FGF13: variants seen among roughly 807,000 people sequenced by gnomAD.
FGF13 encodes the protein fibroblast growth factor homologous factor 2.
FGF13 carries 2 observed loss-of-function variants against 19.5 expected under a neutral mutation model. That is an observed-to-expected ratio of 0.10 (90% confidence interval 0.04 to 0.32). FGF13 has a LOEUF of 0.32. Ranked by LOEUF, FGF13 falls within the 10% of genes least tolerant of loss-of-function variation. The pLI, the probability that FGF13 is intolerant of heterozygous loss-of-function variation, is 1.00. For missense variants in FGF13, 113 were observed against 192.7 expected, an observed-to-expected ratio of 0.59 and a Z score of 2.45; for synonymous variants, 72 against 76.9, an observed-to-expected ratio of 0.94 and a Z score of 0.33.
rs987516894 is a variant in FGF13 at position 139,047,288 on chromosome X, A to G, written c.-113+156128T>C. On this transcript the variant is annotated intron_variant, in intron 1 of 2. Coordinates refer to the FGF13 transcript ENST00000421460. ...TGTGGATAGTGCATGATGTTTTGAT[A>G]TATGTATACATTGTGGAATGAGTAA... Among the ~76,000 whole-genome samples, 20 of 112,503 alleles carry G rather than the reference A, an allele frequency of 1.8e-4. No homozygotes were observed. In the Admixed American group the frequency reaches 1.8e-3, roughly 10 times the overall value.
intron 1 of FGF13, among the ~76,000 whole-genome samples, chrX:138,900,722 C>G (rs1237532912): frequency 1.8e-5 from 2 of 111,858 alleles, no homozygotes; most frequent in African/African-American, 3.3e-5. Context: ...CCATGTCATG[C>G]AGAAGAAAAC....
rs941625376 is a variant in FGF13 at position 138,710,989 on chromosome X, G to A, written c.15C>T (p.Ile5=). The A allele has an allele frequency of 9.1e-6, 11 of 1,208,890 alleles. No individual in the cohort carries two copies. Among genetic ancestry groups the A allele is most frequent in the Non-Finnish European group, 1.2e-5 (11 of 894,843 alleles). ...TCTTCTGACGGATGAGCGAGCTGGC[G>A]ATAGCCGCCGCCATGGCCACGACGC... MAAA[I]ASSLIRQKRQ... The change falls in exon 1 of 5, where the codon ATC becomes ATT. Residue 5 remains isoleucine, a synonymous_variant. Coordinates refer to ENST00000315930, the MANE Select transcript of FGF13 (RefSeq NM_004114.5).
chrX:138,899,500 T>C (rs1350640512), intron 1 of FGF13, among the ~76,000 whole-genome samples: 2 of 111,108 alleles, frequency 1.8e-5, no homozygotes, highest in African/African-American at 6.6e-5. Flanking sequence ...TCTCCATTTC[T>C]TGGGGAGAAT....
chrX:138,810,908 C>G (rs991219858), intron 3 of FGF13, among the ~76,000 whole-genome samples: 1 of 111,609 alleles, frequency 9.0e-6, no homozygotes, highest in South Asian at 3.8e-4. Flanking sequence ...CCATCTCACA[C>G]CAGTTAGAAT....
At chrX:139,133,798 T>C (rs1240135652) in intron 1 of FGF13, among the ~76,000 whole-genome samples, 1 of 111,701 alleles carries the variant, frequency 9.0e-6, no homozygotes, top group Non-Finnish European at 1.9e-5. Context: ...TACCTTTACA[T>C]ACCCACTTTG....
intron 3 of FGF13, among the ~76,000 whole-genome samples, chrX:138,698,015 TAAC>T (rs1177273819): frequency 9.0e-6 from 1 of 111,172 alleles, no homozygotes; most frequent in Non-Finnish European, 1.9e-5. Context: ...GCACAACAAA[TAAC>T]AACTTTCTTG....
intron 1 of FGF13, among the ~76,000 whole-genome samples, chrX:138,911,662 G>A (rs2091588691): frequency 1.8e-5 from 2 of 111,589 alleles, no homozygotes; most frequent in South Asian, 7.5e-4. Context: ...TTCCCACTTG[G>A]AAGTATTTGC....
chrX:138,635,354 T>C, intron 4 of FGF13, 103 bp downstream of exon 4: 3 of 822,375 alleles, frequency 3.6e-6, no homozygotes, highest in Non-Finnish European at 5.2e-6. Context: ...ATAGCTTGTC[T>C]ATGTAACCAA....
At chrX:139,107,801 C>A (rs759670222) in intron 1 of FGF13, among the ~76,000 whole-genome samples, 33 of 110,041 alleles carry the variant, frequency 3.0e-4, no homozygotes, top group African/African-American at 1.1e-3. Flanking sequence ...GGAGAGGCAG[C>A]AGTGGCGGTA....
chrX:138,768,108 GGGCA>G (rs2090515282), intron 3 of FGF13, among the ~76,000 whole-genome samples: 1 of 112,000 alleles, frequency 8.9e-6, no homozygotes, highest in African/African-American at 3.2e-5. Flanking sequence ...CCCATCCAGG[GGGCA>G]GCATCATGAA....
intron 1 of FGF13, among the ~76,000 whole-genome samples, chrX:139,184,647 C>T (rs752469189): frequency 1.1e-3 from 122 of 111,608 alleles, no homozygotes; most frequent in Non-Finnish European, 1.7e-3. Flanking sequence ...CACACATACA[C>T]ACATACACAC....
chrX:139,141,090 T>TAGATAGAC (rs2083841066), intron 1 of FGF13, among the ~76,000 whole-genome samples: 1 of 94,556 alleles, frequency 1.1e-5, no homozygotes, highest in African/African-American at 4.1e-5. Context: ...GATAGATAGA[T>TAGATAGAC]AGATAAGAGT....
At chrX:138,861,250 G>A (rs951842214) in intron 2 of FGF13, among the ~76,000 whole-genome samples, 4 of 111,760 alleles carry the variant, frequency 3.6e-5, no homozygotes, top group Non-Finnish European at 7.5e-5. Flanking sequence ...TGCTGACCTG[G>A]CCTAACGTAC....
intron 3 of FGF13, among the ~76,000 whole-genome samples, chrX:138,702,066 C>T (rs1335584859): frequency 9.0e-6 from 1 of 111,703 alleles, no homozygotes; most frequent in East Asian, 2.8e-4. Context: ...GCGGATCATT[C>T]GAGACCAGGA....
intron 1 of FGF13, among the ~76,000 whole-genome samples, chrX:139,128,198 T>C (rs2083731239): frequency 1.8e-5 from 2 of 110,534 alleles, no homozygotes; most frequent in Admixed American, 9.7e-5. Flanking sequence ...TTCCTTAGAG[T>C]GAGATCCCTG....
intron 1 of FGF13, among the ~76,000 whole-genome samples, chrX:139,122,559 A>G (rs1212475041): frequency 9.0e-6 from 1 of 111,628 alleles, no homozygotes; most frequent in Non-Finnish European, 1.9e-5. Context: ...TTTTCTATAC[A>G]TGGCTTCTGT....
At position 138,881,058 on chromosome X, in the gene FGF13, C is replaced by T. The variant is rs751976424; in HGVS notation, c.-112-16408G>A. ...ATTATTAAGTCTTTCTATTCATGAACACAGGATGCCTTTCCACTAATTTAG... is the reference window on the plus strand; with the variant it reads ...ATTATTAAGTCTTTCTATTCATGAATACAGGATGCCTTTCCACTAATTTAG... On this transcript the variant is annotated intron_variant, in intron 1 of 2. Coordinates refer to the FGF13 transcript ENST00000421460. Among the ~76,000 whole-genome samples, 5 of 111,931 alleles carry T rather than the reference C, an allele frequency of 4.5e-5. No individual in the cohort carries two copies. The South Asian group carries it at 1.9e-3, about 42-fold the overall frequency.
intron 1 of FGF13, among the ~76,000 whole-genome samples, chrX:139,136,116 C>A (rs1403841381): frequency 1.8e-5 from 2 of 111,857 alleles, no homozygotes; most frequent in East Asian, 5.6e-4. Flanking sequence ...CTACCCTTGC[C>A]CTCTGCACTA....
chrX:139,041,823 C>T (rs1465883586), intron 1 of FGF13, among the ~76,000 whole-genome samples: 2 of 112,067 alleles, frequency 1.8e-5, no homozygotes, highest in Non-Finnish European at 3.8e-5. Flanking sequence ...CATCACAACC[C>T]TTAATGATTG....
Sources: allele counts gnomAD v4.1 joint callset (sites outside exome capture counted in the v4.1 genomes callset), GRCh38; gene constraint gnomAD v4.1.1; transcripts MANE v1.5; gene names NCBI Gene and HGNC (gene_info 2026-07-23, HGNC 2026-07-21).